Variants in RFX7 observed in about 807,000 individuals in gnomAD.
RFX7 encodes the protein DNA-binding protein RFX7.
Under a neutral mutation model 111.8 loss-of-function variants are expected in RFX7, and 26 were observed. The observed-to-expected ratio is 0.23, with a 90% CI of 0.17 to 0.32. RFX7 has a LOEUF of 0.32. Ranked by LOEUF, RFX7 falls within the 10% of genes least tolerant of loss-of-function variation. The probability of loss-of-function intolerance (pLI) is 1.00; values close to 1 mark genes in which losing one functional copy is unlikely to be tolerated. For missense variants in RFX7, 1,573 were observed against 1,772.9 expected (o/e 0.89, Z 2.02); for synonymous variants, 624 against 624.4 (o/e 1.00, Z 0.01).
chr15:56,161,381 G>C (rs758460088), intron 3 of RFX7, among the ~76,000 whole-genome samples: 2 of 152,042 alleles, frequency 1.3e-5, no homozygotes, highest in African/African-American at 2.4e-5. Flanking sequence ...CTTACTCCAA[G>C]ATAGACATGT....
intron 2 of RFX7, among the ~76,000 whole-genome samples, chr15:56,208,827 A>C (rs2043281903): frequency 6.6e-6 from 1 of 152,160 alleles, no homozygotes; most frequent in African/African-American, 2.4e-5. Context: ...AACTTGGTAG[A>C]AACCACCAAA....
At chr15:56,222,246 A>G (rs954985612) in intron 2 of RFX7, among the ~76,000 whole-genome samples, 6 of 152,022 alleles carry the variant, frequency 3.9e-5, no homozygotes, top group Admixed American at 2.6e-4. Flanking sequence ...TTGTTTCCCT[A>G]TGTATATCAC....
chr15:56,110,072 C>A (rs2041894684), intron 5 of RFX7, among the ~76,000 whole-genome samples: 1 of 134,860 alleles, frequency 7.4e-6, no homozygotes, highest in African/African-American at 2.9e-5. Context: ...CAGCCAGCCG[C>A]CCCGTCTGGG....
intron 3 of RFX7, among the ~76,000 whole-genome samples, chr15:56,159,159 G>A (rs2042690895): frequency 6.6e-6 from 1 of 152,136 alleles, no homozygotes; most frequent in African/African-American, 2.4e-5. Context: ...CCATGTTGTT[G>A]TAAATAACAG....
At chr15:56,209,929 C>T (rs150175201) in intron 2 of RFX7, among the ~76,000 whole-genome samples, 1 of 151,924 alleles carries the variant, frequency 6.6e-6, no homozygotes, top group Non-Finnish European at 1.5e-5. Context: ...AAACAAAGAA[C>T]AAGGACGATA....
At chr15:56,214,335 T>A (rs1332293380) in intron 2 of RFX7, among the ~76,000 whole-genome samples, 2 of 151,206 alleles carry the variant, frequency 1.3e-5, no homozygotes, top group East Asian at 4.0e-4. Context: ...AAATAAAAAA[T>A]CTGCGATATT....
intron 5 of RFX7, among the ~76,000 whole-genome samples, chr15:56,117,046 A>T (rs1445424748): frequency 6.6e-6 from 1 of 152,198 alleles, no homozygotes; most frequent in Non-Finnish European, 1.5e-5. Context: ...GTAAGAGGTT[A>T]TGAGGCAGGA....
intron 5 of RFX7, among the ~76,000 whole-genome samples, chr15:56,135,662 T>A (rs1369055653): frequency 6.6e-6 from 1 of 152,306 alleles, no homozygotes; most frequent in African/African-American, 2.4e-5. Context: ...GCCATTGCTT[T>A]TGCTGTTTTA....
intron 2 of RFX7, among the ~76,000 whole-genome samples, chr15:56,228,959 A>G (rs1248158309): frequency 6.6e-6 from 1 of 152,240 alleles, no homozygotes; most frequent in Non-Finnish European, 1.5e-5. Context: ...AAATAGTAAA[A>G]TAAGTAATTA....
chr15:56,145,792 C>T (rs2042460191), intron 3 of RFX7, among the ~76,000 whole-genome samples: 1 of 152,172 alleles, frequency 6.6e-6, no homozygotes, highest in Admixed American at 6.5e-5. Context: ...TCACTGCCAC[C>T]ACAGTAGTCT....
chr15:56,157,345 T>G (rs1349166768), intron 3 of RFX7, among the ~76,000 whole-genome samples: 2 of 152,194 alleles, frequency 1.3e-5, no homozygotes, highest in Non-Finnish European at 2.9e-5. Context: ...AATTTTGTTT[T>G]TCATGTGTGG....
chr15:56,241,830 TTTTAAAATTAAAACTGAAAGC>T (rs2043693241), intron 2 of RFX7, among the ~76,000 whole-genome samples: 1 of 152,204 alleles, frequency 6.6e-6, no homozygotes, highest in Non-Finnish European at 1.5e-5. Context: ...TTAAACTTCA[TTTTAAAATTAAAACTGAAAGC>T]AAGATACTCA....
intron 5 of RFX7, among the ~76,000 whole-genome samples, chr15:56,138,629 T>C (rs1489386241): frequency 6.6e-6 from 1 of 151,630 alleles, no homozygotes; most frequent in Non-Finnish European, 1.5e-5. Context: ...AAAGTTAATA[T>C]TGTTATGTGT....
Position 56,095,204 on chromosome 15 carries a change from A to C in RFX7, c.2524T>G (p.Ser842Ala). 1 of 1,613,936 alleles carries C rather than the reference A, an allele frequency of 6.2e-7. No homozygotes were observed. The highest frequency in any genetic ancestry group is 8.5e-7 in the Non-Finnish European group (1 of 1,179,852). The change falls in exon 10 of 10, where the codon TCT (serine) becomes GCT (alanine). Residue 842 changes from serine to alanine, a missense_variant. By Grantham distance (99) the Ser-to-Ala change is moderately conservative (BLOSUM62 1). Transcript: ENST00000559447. ...SQQLHSQIQE[S>A]SLNQIQAHSS... ...TGTGCTTGTATTTGATTTAAAGAAG[A>C]TTCCTGTATCTGGCTATGTAGCTGC...
At chr15:56,199,863 ATAAATGCTACATTAAAAC>A (rs1191661244) in intron 2 of RFX7, among the ~76,000 whole-genome samples, 1 of 152,204 alleles carries the variant, frequency 6.6e-6, no homozygotes, top group East Asian at 1.9e-4. Context: ...TAGGTTCTTA[ATAAATGCTACATTAAAAC>A]TAAATCTAGT....
At position 56,089,778 on chromosome 15, in the gene RFX7, C is replaced by A. The variant is rs1439815253; in HGVS notation, c.*3567G>T. On this transcript the variant is annotated 3_prime_UTR_variant, in exon 10 of 10. Transcript: ENST00000559447. ...CAGGCTCAGCTTTCATGGGAGCCTTCCTGCTCTTTACCTCTCCCTTCCTAA... is the reference window on the plus strand; with the variant it reads ...CAGGCTCAGCTTTCATGGGAGCCTTACTGCTCTTTACCTCTCCCTTCCTAA... 6 of 152,254 alleles carry A rather than the reference C, an allele frequency of 3.9e-5. No homozygotes were observed. Among genetic ancestry groups the A allele is most frequent in the African/African-American group, 9.6e-5 (4 of 41,546 alleles). 9.4% of individuals were successfully genotyped at this position (152,254 alleles called of 1,614,324 possible).
chr15:56,108,362 C>T lies in RFX7; in HGVS notation c.402-4692G>A, dbSNP rs189961543. ...AAAAGCTTATCCACCACCATCAAGTCAGCTTCATCCCTGGGAAGCAAGGTT... is the reference window on the plus strand; with the variant it reads ...AAAAGCTTATCCACCACCATCAAGTTAGCTTCATCCCTGGGAAGCAAGGTT... On this transcript the variant is annotated intron_variant, in intron 5 of 9. Coordinates refer to ENST00000559447, the MANE Select transcript of RFX7 (RefSeq NM_022841.7). Among the ~76,000 whole-genome samples, 12 of 152,304 alleles carry T rather than the reference C, an allele frequency of 7.9e-5. No homozygotes were observed. In the East Asian group the frequency reaches 2.3e-3, roughly 29 times the overall value.
intron 5 of RFX7, among the ~76,000 whole-genome samples, chr15:56,124,197 C>A (rs998730099): frequency 3.3e-5 from 5 of 152,066 alleles, no homozygotes; most frequent in Non-Finnish European, 7.4e-5. Context: ...CCGAGGCAGG[C>A]GGATCACAAG....
chr15:56,189,718 T>C (rs890769496), intron 2 of RFX7: 2 of 152,136 alleles, frequency 1.3e-5, no homozygotes, highest in African/African-American at 4.8e-5. Flanking sequence ...AATTTAAAAT[T>C]CCAAAAACCC....
Sources: gnomAD v4.1 joint callset for allele counts (sites outside exome capture counted in the v4.1 genomes callset) on GRCh38, gnomAD v4.1.1 for gene constraint, MANE v1.5 for transcripts, NCBI Gene and HGNC (gene_info 2026-07-23, HGNC 2026-07-21) for gene names.